Variants in MICU1 observed in about 807,000 individuals in gnomAD.
MICU1 encodes the protein calcium uptake protein 1, mitochondrial.
In MICU1, 45 loss-of-function variants were observed where a neutral mutation model predicts 56.8. That is an observed-to-expected ratio of 0.79 (90% CI 0.62 to 1.02). MICU1 has a LOEUF of 1.02. Ranked by LOEUF, MICU1 falls within the 50% of genes least tolerant of loss-of-function variation. The pLI is 0.00. For synonymous variants in MICU1, 186 were observed against 195.1 expected, an observed-to-expected ratio of 0.95 and a Z score of 0.39; for missense variants, 504 against 587.1, an observed-to-expected ratio of 0.86 and a Z score of 1.46.
intron 8 of MICU1, among the ~76,000 whole-genome samples, chr10:72,461,635 G>C (rs1018185632): frequency 1.3e-5 from 2 of 152,184 alleles, no homozygotes; most frequent in Admixed American, 6.6e-5. Context: ...TGGAAAACTA[G>C]TGTAAATTAT....
intron 1 of MICU1, among the ~76,000 whole-genome samples, chr10:72,573,190 C>A (rs1021265313): frequency 6.6e-6 from 1 of 151,200 alleles, no homozygotes; most frequent in Non-Finnish European, 1.5e-5. Flanking sequence ...AAGCAATAGG[C>A]CAGCCGCAGT....
chr10:72,560,933 T>C (rs896044586), intron 3 of MICU1, among the ~76,000 whole-genome samples: 1 of 152,160 alleles, frequency 6.6e-6, no homozygotes, highest in Non-Finnish European at 1.5e-5. Flanking sequence ...TCTTAAATTA[T>C]AGATAAATTC....
chr10:72,375,817 C>G lies in MICU1; in HGVS notation c.1236G>C (p.Val412=), dbSNP rs545259526. The change falls in exon 11 of 12, where the codon GTG becomes GTC. Residue 412 remains valine (V), a synonymous_variant. Coordinates refer to ENST00000361114, the MANE Select transcript of MICU1 (RefSeq NM_001195518.2). ...CAAAGAGTGCAAACACCACATCACA[C>G]ACGTGGTCTGAGAGCTCCACTTTAG... ...TVAKVELSDH[V]CDVVFALFDC... 1 of 1,613,474 alleles carries G rather than the reference C, an allele frequency of 6.2e-7. No individual in the cohort carries two copies. Among genetic ancestry groups the G allele is most frequent in the African/African-American group, 1.3e-5 (1 of 75,034 alleles).
At chr10:72,605,570 G>T (rs1279192352) in intron 1 of MICU1, among the ~76,000 whole-genome samples, 1 of 152,092 alleles carries the variant, frequency 6.6e-6, no homozygotes. Flanking sequence ...CCAACTGTGG[G>T]GTTTGCCCTG....
At chr10:72,436,107 T>C (rs1019593491) in intron 8 of MICU1, among the ~76,000 whole-genome samples, 4 of 152,250 alleles carry the variant, frequency 2.6e-5, no homozygotes, top group Admixed American at 1.3e-4. Flanking sequence ...CTGACCCCCA[T>C]GTAGCCTAAC....
intron 3 of MICU1, among the ~76,000 whole-genome samples, chr10:72,561,092 T>C (rs1840285169): frequency 6.6e-6 from 1 of 152,188 alleles, no homozygotes; most frequent in African/African-American, 2.4e-5. Context: ...AAAAGATAGC[T>C]CTTCCTCTGA....
In MICU1 at chr10:72,620,253, T is replaced by C. The variant is rs369549075; in HGVS notation, c.-2+5757A>G. Among the ~76,000 whole-genome samples the C allele has an allele frequency of 4.6e-4, 70 of 152,232 alleles. No homozygotes were observed. The East Asian group carries it at 5.2e-3, about 11-fold the overall frequency. ...AGGCTGGTGTACAGTAGTGCCATCT[T>C]GGCTCACTGCAACCTCCGCCTCCCG... On this transcript the variant is annotated intron_variant, in intron 1 of 11. Transcript: ENST00000361114.
intron 9 of MICU1, among the ~76,000 whole-genome samples, chr10:72,415,652 C>T (rs1251122709): frequency 1.3e-5 from 2 of 152,174 alleles, no homozygotes; most frequent in Admixed American, 1.3e-4. Flanking sequence ...GATAAACCTC[C>T]AAACTTTTTA....
chr10:72,555,707 T>C (rs978781789), intron 3 of MICU1, among the ~76,000 whole-genome samples: 23 of 152,172 alleles, frequency 1.5e-4, no homozygotes, highest in African/African-American at 5.6e-4. Flanking sequence ...CTTTTGACCA[T>C]GGATGGAAGA....
intron 8 of MICU1, among the ~76,000 whole-genome samples, chr10:72,444,156 G>T (rs1464761173): frequency 6.6e-6 from 1 of 151,618 alleles, no homozygotes; most frequent in Non-Finnish European, 1.5e-5. Context: ...CTCACTCATA[G>T]GTGGGAATTG....
rs575082054 is a variant in MICU1, at chr10:72,434,424, C to T, written c.934-11053G>A. Among the ~76,000 whole-genome samples the T allele has an allele frequency of 4.6e-5, 7 of 152,194 alleles. No individual in the cohort carries two copies. The South Asian group carries it at 1.2e-3, about 27-fold the overall frequency. On this transcript the variant is annotated intron_variant, in intron 8 of 11. Coordinates refer to ENST00000361114, the MANE Select transcript of MICU1 (RefSeq NM_001195518.2). ...CCAATCTATGCAGTTCATGTTTCCA[C>T]ATGAAATTGCTAAAAATTTCATGCC...
intron 8 of MICU1, among the ~76,000 whole-genome samples, chr10:72,461,459 A>C (rs934486906): frequency 1.3e-5 from 2 of 152,222 alleles, no homozygotes; most frequent in African/African-American, 4.8e-5. Flanking sequence ...ACTGATTCAT[A>C]TGTCCCAATT....
intron 1 of MICU1, among the ~76,000 whole-genome samples, chr10:72,588,183 G>A (rs991820311): frequency 3.3e-5 from 5 of 152,034 alleles, no homozygotes; most frequent in African/African-American, 9.7e-5. Context: ...TCCTGCTCTG[G>A]CCATGTGAAG....
rs1564904391 is a variant in MICU1 at position 72,500,272 on chromosome 10, A to ATATATATATATATT, written c.652+7882_652+7883insAATATATATATATA. 1.7e-3 allele frequency among the ~76,000 whole-genome samples: 16 copies of ATATATATATATATT among 9,322 alleles called. 1 individual carries two copies. Among genetic ancestry groups the ATATATATATATATT allele is most frequent in the African/African-American group, 3.6e-3 (16 of 4,474 alleles). 6.1% of individuals were successfully genotyped at this position (9,322 alleles called of 152,430 possible). ...TACATACATACATACATATATATAT[A>ATATATATATATATT]TATATATATATATATATATATATAT... On this transcript the variant is annotated intron_variant, in intron 6 of 11. Coordinates refer to ENST00000361114, the MANE Select transcript of MICU1 (RefSeq NM_001195518.2).
intron 9 of MICU1, among the ~76,000 whole-genome samples, chr10:72,418,205 G>A (rs1387436055): frequency 6.6e-6 from 1 of 152,164 alleles, no homozygotes; most frequent in African/African-American, 2.4e-5. Context: ...CATGAGATCT[G>A]GGTGGGGACA....
chr10:72,381,913 C>A (rs1200445659), intron 10 of MICU1, among the ~76,000 whole-genome samples: 1 of 146,930 alleles, frequency 6.8e-6, no homozygotes, highest in East Asian at 2.0e-4. Flanking sequence ...GCTGACACAC[C>A]CATGGGACAA....
chr10:72,605,686 T>C (rs1291655296), intron 1 of MICU1, among the ~76,000 whole-genome samples: 1 of 152,230 alleles, frequency 6.6e-6, no homozygotes, highest in African/African-American at 2.4e-5. Flanking sequence ...TTAGAGATGA[T>C]TTAAAGTATA....
At chr10:72,600,991 T>A (rs1055940055) in intron 1 of MICU1, among the ~76,000 whole-genome samples, 1 of 152,190 alleles carries the variant, frequency 6.6e-6, no homozygotes, top group African/African-American at 2.4e-5. Context: ...AAAGTCAGGA[T>A]GGTAATTTAT....
chr10:72,537,041 G>T (rs922652192), intron 4 of MICU1, among the ~76,000 whole-genome samples: 8 of 152,280 alleles, frequency 5.3e-5, no homozygotes, highest in Admixed American at 3.3e-4. Context: ...TATATTTTAT[G>T]CTCTTCATTA....
Sources: gnomAD v4.1 joint callset for allele counts (sites outside exome capture counted in the v4.1 genomes callset) on GRCh38, gnomAD v4.1.1 for gene constraint, MANE v1.5 for transcripts, NCBI Gene and HGNC (gene_info 2026-07-23, HGNC 2026-07-21) for gene names.